The following KIAA0825 variants were observed in gnomAD, a reference collection of about 807,000 sequenced individuals.
KIAA0825 encodes the protein uncharacterized protein KIAA0825.
In KIAA0825, 119 loss-of-function variants were observed where a neutral mutation model predicts 147.6. The ratio of observed to expected loss-of-function variants is 0.81; its 90% CI spans 0.69 to 0.94. KIAA0825 has a LOEUF of 0.94. Among genes scored for constraint, KIAA0825 ranks in the 40% least tolerant of loss-of-function variants. The pLI is 0.00. For missense variants in KIAA0825, 1,381 were observed against 1,472.7 expected, an observed-to-expected ratio of 0.94 and a Z score of 1.02; for synonymous variants, 470 against 518.1, an observed-to-expected ratio of 0.91 and a Z score of 1.26.
intron 20 of KIAA0825, among the ~76,000 whole-genome samples, chr5:94,199,243 G>A (rs1304739950): frequency 1.3e-5 from 2 of 152,156 alleles, no homozygotes; most frequent in Non-Finnish European, 2.9e-5. Flanking sequence ...TGCCCTTGAA[G>A]GTTTACTGTA....
intron 2 of KIAA0825, among the ~76,000 whole-genome samples, chr5:94,553,448 A>AG (rs1775923699): frequency 6.7e-6 from 1 of 150,278 alleles, no homozygotes; most frequent in African/African-American, 2.5e-5. Context: ...CTAAAAAAAA[A>AG]AAGAAAAAAA....
At chr5:94,363,623 C>T (rs576831133) in intron 20 of KIAA0825, among the ~76,000 whole-genome samples, 8 of 152,126 alleles carry the variant, frequency 5.3e-5, no homozygotes, top group South Asian at 2.1e-4. Context: ...TGGTAGCTTA[C>T]GCCTGTAATC....
At chr5:94,327,926 A>C (rs1780862000) in intron 20 of KIAA0825, among the ~76,000 whole-genome samples, 1 of 152,130 alleles carries the variant, frequency 6.6e-6, no homozygotes, top group Admixed American at 6.5e-5. Context: ...GAATTGCTTG[A>C]ACCTGGGAGG....
Position 94,341,711 on chromosome 5 carries a change from A to G in KIAA0825, c.3710+42657T>C, listed in dbSNP as rs146788974. Among the ~76,000 whole-genome samples, 8 of 152,164 alleles carry G rather than the reference A, an allele frequency of 5.3e-5. No homozygotes were observed. In the East Asian group the frequency reaches 1.5e-3, roughly 29 times the overall value. On this transcript the variant is annotated intron_variant, in intron 20 of 20. Coordinates refer to ENST00000682413, the MANE Select transcript of KIAA0825 (RefSeq NM_001145678.3). Reference sequence around the variant, plus strand: ...AGAGAGGTCAATGAAAAGTACATGGATTGCTTTTTCAATCTAGTGAAATAA... The same window carrying G: ...AGAGAGGTCAATGAAAAGTACATGGGTTGCTTTTTCAATCTAGTGAAATAA...
chr5:94,188,530 G>A (rs1724762340), intron 20 of KIAA0825, among the ~76,000 whole-genome samples: 1 of 152,102 alleles, frequency 6.6e-6, no homozygotes, highest in South Asian at 2.1e-4. Context: ...GGATCATGTA[G>A]TACATAGTCT....
chr5:94,219,549 T>A (rs1391739800), intron 20 of KIAA0825, among the ~76,000 whole-genome samples: 1 of 152,158 alleles, frequency 6.6e-6, no homozygotes, highest in Non-Finnish European at 1.5e-5. Context: ...AATGCATTGA[T>A]AGGCAACTTC....
chr5:94,431,452 C>T (rs1584474264), intron 14 of KIAA0825, among the ~76,000 whole-genome samples: 1 of 152,144 alleles, frequency 6.6e-6, no homozygotes, highest in Non-Finnish European at 1.5e-5. Context: ...GGTGAACTAT[C>T]CCTCCCCTCC....
intron 2 of KIAA0825, among the ~76,000 whole-genome samples, chr5:94,581,037 A>G (rs1157706525): frequency 6.6e-6 from 1 of 152,088 alleles, no homozygotes. Flanking sequence ...GGACTACCAG[A>G]TGTAGTTTCC....
intron 14 of KIAA0825, among the ~76,000 whole-genome samples, chr5:94,425,106 G>C (rs1236305715): frequency 6.6e-6 from 1 of 152,122 alleles, no homozygotes; most frequent in Non-Finnish European, 1.5e-5. Flanking sequence ...AGAGTAAAAA[G>C]AAGGGAATGT....
intron 3 of KIAA0825, among the ~76,000 whole-genome samples, chr5:94,535,743 G>A (rs187640565): frequency 6.6e-6 from 1 of 152,226 alleles, no homozygotes; most frequent in African/African-American, 2.4e-5. Flanking sequence ...GTTGCCTGTT[G>A]CAATTTGCAA....
intron 20 of KIAA0825, among the ~76,000 whole-genome samples, chr5:94,192,974 A>G (rs934902356): frequency 2.0e-5 from 3 of 152,172 alleles, no homozygotes; most frequent in Non-Finnish European, 4.4e-5. Context: ...TCATTTTTGC[A>G]GTGATCAAAT....
intron 20 of KIAA0825, among the ~76,000 whole-genome samples, chr5:94,362,552 C>T (rs1244379377): frequency 4.8e-5 from 7 of 146,264 alleles, no homozygotes; most frequent in Non-Finnish European, 7.8e-5. Context: ...TCCCCATCTC[C>T]AGATGTACGT....
intron 20 of KIAA0825, among the ~76,000 whole-genome samples, chr5:94,370,155 T>C (rs1283197360): frequency 6.6e-6 from 1 of 151,422 alleles, no homozygotes; most frequent in South Asian, 2.1e-4. Flanking sequence ...ACTACTATTA[T>C]ACAAAAAAAA....
intron 2 of KIAA0825, among the ~76,000 whole-genome samples, chr5:94,538,004 C>T (rs1772437566): frequency 6.6e-6 from 1 of 152,126 alleles, no homozygotes; most frequent in South Asian, 2.1e-4. Context: ...CATGTATTTC[C>T]CCACCATCAA....
In KIAA0825 at chr5:94,516,588, G is replaced by C. The variant is rs1029973596; in HGVS notation, c.970+3660C>G. ...GGAGGCCGAGGCGGGCGGATCACGA[G>C]GTCAGGAGATCGAGACCACGGTGAA... On this transcript the variant is annotated intron_variant, in intron 5 of 20. Coordinates refer to ENST00000682413, the MANE Select transcript of KIAA0825 (RefSeq NM_001145678.3). Among the ~76,000 whole-genome samples, 8 of 151,560 alleles carry C rather than the reference G, an allele frequency of 5.3e-5. No homozygotes were observed. In the East Asian group the frequency reaches 1.6e-3, roughly 29 times the overall value.
intron 20 of KIAA0825, among the ~76,000 whole-genome samples, chr5:94,195,642 T>A (rs535740040): frequency 6.6e-6 from 1 of 152,088 alleles, no homozygotes; most frequent in Admixed American, 6.5e-5. Context: ...GTAAGAAAAG[T>A]GACAAGAGCT....
intron 20 of KIAA0825, among the ~76,000 whole-genome samples, chr5:94,204,991 C>T (rs555498181): frequency 6.6e-6 from 1 of 152,030 alleles, no homozygotes; most frequent in African/African-American, 2.4e-5. Flanking sequence ...TTCAGAGAAA[C>T]GTTTCTTCAC....
chr5:94,253,231 G>T (rs2150123968), intron 20 of KIAA0825, among the ~76,000 whole-genome samples: 1 of 152,180 alleles, frequency 6.6e-6, no homozygotes. Flanking sequence ...GTCACCCAGT[G>T]ATTTTTATAG....
intron 1 of KIAA0825, among the ~76,000 whole-genome samples, chr5:94,617,553 T>C (rs1639511554): frequency 6.6e-6 from 1 of 152,196 alleles, no homozygotes; most frequent in South Asian, 2.1e-4. Flanking sequence ...CAATAGTACC[T>C]ACAACTCTTT....
Sources: gnomAD v4.1 joint callset for allele counts (sites outside exome capture counted in the v4.1 genomes callset) on GRCh38, gnomAD v4.1.1 for gene constraint, MANE v1.5 for transcripts, NCBI Gene and HGNC (gene_info 2026-07-23, HGNC 2026-07-21) for gene names.